Variants in PLOD1 observed in about 807,000 individuals in gnomAD.
The protein encoded by PLOD1 is procollagen-lysine,2-oxoglutarate 5-dioxygenase 1.
Under a neutral mutation model 94.7 loss-of-function variants are expected in PLOD1, and 70 were observed. The observed-to-expected ratio is 0.74, with a 90% confidence interval of 0.61 to 0.90. The LOEUF (loss-of-function observed/expected upper bound fraction) is 0.90. PLOD1 is among the 40% of genes least tolerant of loss of function. PLOD1 has a pLI of 0.00. For missense variants in PLOD1, 905 were observed against 972.7 expected, an observed-to-expected ratio of 0.93 and a Z score of 0.93; for synonymous variants, 417 against 400.2, an observed-to-expected ratio of 1.04 and a Z score of -0.50.
chr1:11,967,577 C>T (rs541523440), intron 16 of PLOD1, among the ~76,000 whole-genome samples: 1,129 of 70,366 alleles, frequency 0.016, 26 homozygotes, highest in African/African-American at 0.072. Flanking sequence ...TTTTTTTTTT[C>T]TTTTCATGTG....
At chr1:11,938,329 T>C (rs994339002) in intron 1 of PLOD1, among the ~76,000 whole-genome samples, 1 of 152,158 alleles carries the variant, frequency 6.6e-6, no homozygotes, top group African/African-American at 2.4e-5. Flanking sequence ...GTTAAACATC[T>C]GGTCTCTCAT....
intron 2 of PLOD1, among the ~76,000 whole-genome samples, chr1:11,948,754 A>G (rs1645675643): frequency 6.6e-6 from 1 of 151,976 alleles, no homozygotes. Flanking sequence ...AAATAAAAGA[A>G]AAAAGAAACA....
rs532131405 is a variant in PLOD1, at chr1:11,969,939, T to C, written c.1756-731T>C. On this transcript the variant is annotated intron_variant, in intron 16 of 18. Transcript: ENST00000196061. ...CTGGGCAACATAGTGAGACCTCATC[T>C]CTACAAAGAATAAAATTAGTGGCTG... Among the ~76,000 whole-genome samples the C allele has an allele frequency of 7.3e-5, 11 of 150,888 alleles. No homozygotes were observed. In the South Asian group the frequency reaches 2.3e-3, roughly 32 times the overall value.
At position 11,972,916 on chromosome 1, in the gene PLOD1, G is replaced by A; in HGVS notation, c.1947G>A (p.Glu649=). Residue 649 remains glutamate (E), a synonymous_variant, in exon 18 of 19, where the codon GAG becomes GAA. Coordinates refer to ENST00000196061, the MANE Select transcript of PLOD1 (RefSeq NM_000302.4). This position sits in a 1 kb window ranked among gnomAD's most constrained non-coding sequence, Gnocchi z 4.6. Reference sequence around the variant, plus strand: ...TTGTCGTCCGCTACAAGCCTGATGAGCAGCCCTCACTGATGCCACACCATG... The same window carrying A: ...TTGTCGTCCGCTACAAGCCTGATGAACAGCCCTCACTGATGCCACACCATG... The part of the protein sequence containing the change: ...LAFVVRYKPD[E]QPSLMPHHDA... 2 of 1,614,096 alleles carry A rather than the reference G, an allele frequency of 1.2e-6. No homozygotes were observed. The highest frequency in any genetic ancestry group is 1.7e-6 in the Non-Finnish European group (2 of 1,179,992).
rs2100760044 is a variant in PLOD1 at position 11,966,301 on chromosome 1, G to A, written c.1635G>A (p.Gly545=). 6.2e-7 allele frequency: 1 copy of A among 1,606,734 alleles called. No individual in the cohort carries two copies. Among genetic ancestry groups the A allele is most frequent in the Non-Finnish European group, 8.5e-7 (1 of 1,176,468 alleles). Residue 545 remains glycine, a synonymous_variant, in exon 15 of 19, where the codon GGG becomes GGA. Coordinates refer to ENST00000196061, the MANE Select transcript of PLOD1 (RefSeq NM_000302.4). ...IHQNYTKALA[G]KLVETPCPDV... ...AGAACTACACCAAAGCCCTGGCAGGGAAGCTGGTGGAGACGGTAAGGGCCA... is the reference window on the plus strand; with the variant it reads ...AGAACTACACCAAAGCCCTGGCAGGAAAGCTGGTGGAGACGGTAAGGGCCA...
At chr1:11,971,842 T>G (rs989275878) in intron 17 of PLOD1, 1 of 152,242 alleles carries the variant, frequency 6.6e-6, no homozygotes, top group African/African-American at 2.4e-5. Flanking sequence ...AGCAGCCTTC[T>G]TCCAATAGTG....
chr1:11,954,931 G>A lies in PLOD1; in HGVS notation c.643+38G>A, dbSNP rs143441347. 8.9e-5 allele frequency: 133 copies of A among 1,496,866 alleles called. No homozygotes were observed. The African/African-American group carries it at 1.6e-3, about 18-fold the overall frequency. 92.7% of individuals were successfully genotyped at this position (1,496,866 alleles called of 1,614,324 possible). ...CACGGGGAGGGGTGGATCCTCAGAGGGGTGATAGGAAGAATTCCAGGCAGG... is the reference window on the plus strand; with the variant it reads ...CACGGGGAGGGGTGGATCCTCAGAGAGGTGATAGGAAGAATTCCAGGCAGG... On this transcript the variant is annotated intron_variant, in intron 6 of 18. Coordinates refer to ENST00000196061, the MANE Select transcript of PLOD1 (RefSeq NM_000302.4).
Position 11,963,387 on chromosome 1 carries a change from C to A in PLOD1, c.1098-145C>A. 1 of 679,360 alleles carries A rather than the reference C, an allele frequency of 1.5e-6. No individual in the cohort carries two copies. Among genetic ancestry groups the A allele is most frequent in the Non-Finnish European group, 2.7e-6 (1 of 370,392 alleles). 42.1% of individuals were successfully genotyped at this position (679,360 alleles called of 1,614,324 possible). A position where few individuals can be genotyped will look rare whatever the true frequency, so the allele number is the denominator to read the frequency against. ...AGTCCAGGGGTTTGGGACTCAGAGTCGGGAGGAACCTTTGAGGCTGCTGGT... is the reference window on the plus strand; with the variant it reads ...AGTCCAGGGGTTTGGGACTCAGAGTAGGGAGGAACCTTTGAGGCTGCTGGT... On this transcript the variant is annotated intron_variant, in intron 10 of 18. Coordinates refer to ENST00000196061, the MANE Select transcript of PLOD1 (RefSeq NM_000302.4). The surrounding 1 kb of genome is among the most constrained non-coding windows in gnomAD (Gnocchi z 4.3).
intron 10 of PLOD1, among the ~76,000 whole-genome samples, chr1:11,962,806 C>T (rs904937012): frequency 6.6e-6 from 1 of 151,812 alleles, no homozygotes; most frequent in Admixed American, 6.6e-5. Flanking sequence ...TTTGGGAGGC[C>T]GAGGCGGGCA....
chr1:11,953,078 T>C (rs541939192), intron 5 of PLOD1, among the ~76,000 whole-genome samples: 74 of 152,146 alleles, frequency 4.9e-4, no homozygotes, highest in African/African-American at 1.7e-3. Flanking sequence ...ATTTTTGGGA[T>C]GGAGTCTCAC....
chr1:11,949,352 C>G (rs1375192061), intron 2 of PLOD1, among the ~76,000 whole-genome samples: 2 of 152,164 alleles, frequency 1.3e-5, no homozygotes, highest in East Asian at 1.9e-4. Flanking sequence ...AATCCTCATA[C>G]AGGTGGAGAA....
chr1:11,949,373 A>G (rs1234657645), intron 2 of PLOD1, among the ~76,000 whole-genome samples: 2 of 152,090 alleles, frequency 1.3e-5, no homozygotes, highest in Non-Finnish European at 2.9e-5. Context: ...TGGTTTCCTT[A>G]CAGGGGAGGG....
In PLOD1 at chr1:11,970,708, T is replaced by G. The variant is rs773916889; in HGVS notation, c.1794T>G (p.Thr598=). 2 of 1,613,112 alleles carry G rather than the reference T, an allele frequency of 1.2e-6. No homozygotes were observed. The highest frequency in any genetic ancestry group is 1.7e-6 in the Non-Finnish European group (2 of 1,179,900). The part of the protein sequence containing the change: ...RIQGGYENVP[T]IDIHMNQIGF... The stretch of plus-strand genomic sequence containing the variant: ...AGGGTGGCTACGAGAACGTGCCGAC[T>G]ATTGACATCCACATGAACCAGATCG... The change falls in exon 17 of 19, where the codon ACT becomes ACG. Residue 598 remains threonine (T), a synonymous_variant. Coordinates refer to ENST00000196061, the MANE Select transcript of PLOD1 (RefSeq NM_000302.4).
intron 12 of PLOD1, 27 bp from the exon 13 acceptor site, chr1:11,964,617 C>G: frequency 1.2e-6 from 2 of 1,612,734 alleles, no homozygotes; most frequent in South Asian, 1.1e-5. Flanking sequence ...GCCTCTGACC[C>G]CCACCCGCTT....
At chr1:11,962,925 C>T (rs1453535346) in intron 10 of PLOD1, among the ~76,000 whole-genome samples, 1 of 152,012 alleles carries the variant, frequency 6.6e-6, no homozygotes, top group East Asian at 1.9e-4. Context: ...CCTCTAATCC[C>T]AGCTACTTGG....
chr1:11,964,025 A>AC, intron 11 of PLOD1, 150 bp from the exon 12 acceptor site: 1 of 853,282 alleles, frequency 1.2e-6, no homozygotes, highest in South Asian at 1.4e-5. Flanking sequence ...AACCCCCGAC[A>AC]CCCCGGCCAA....
intron 1 of PLOD1, among the ~76,000 whole-genome samples, chr1:11,940,925 CT>C (rs1224048969): frequency 6.6e-6 from 1 of 152,226 alleles, no homozygotes; most frequent in Non-Finnish European, 1.5e-5. Context: ...GAAGCGCTGG[CT>C]TTTGTCTGCA....
chr1:11,951,560 A>G (rs1645701983), intron 4 of PLOD1, among the ~76,000 whole-genome samples: 1 of 145,588 alleles, frequency 6.9e-6, no homozygotes, highest in African/African-American at 2.6e-5. Context: ...TTTTTTAAAT[A>G]AAAAATAATA....
chr1:11,960,530 G>T, intron 9 of PLOD1, 116 bp from the exon 10 acceptor site: 1 of 790,072 alleles, frequency 1.3e-6, no homozygotes, highest in Non-Finnish European at 2.2e-6. Flanking sequence ...GCAGATGGCC[G>T]GGGTGCCAGA....
Sources: gnomAD v4.1 joint callset for allele counts (sites outside exome capture counted in the v4.1 genomes callset) on GRCh38, gnomAD v4.1.1 for gene constraint, Gnocchi (gnomAD v3.1) non-coding constraint, MANE v1.5 for transcripts, NCBI Gene and HGNC (gene_info 2026-07-23, HGNC 2026-07-21) for gene names.